Variants in C10orf67 observed in about 807,000 individuals in gnomAD.
C10orf67 encodes uncharacterized protein C10orf67, mitochondrial.
C10orf67 carries 60 observed loss-of-function variants against 35.6 expected under a neutral mutation model. The ratio of observed to expected loss-of-function variants is 1.68; its 90% confidence interval spans 1.37 to 2.09. The LOEUF is 2.09. Ranked by LOEUF, C10orf67 falls within the 30% of genes most tolerant of loss-of-function variation. The pLI is 0.00. For synonymous variants in C10orf67, 167 were observed against 115.8 expected (o/e 1.44, Z -2.84); for missense variants, 474 against 330.2 (o/e 1.44, Z -3.38).
At position 23,244,861 on chromosome 10, in the gene C10orf67, A is replaced by G. The variant is rs564511356; in HGVS notation, c.1347-5045T>C. On this transcript the variant is annotated intron_variant, in intron 12 of 15. Coordinates refer to ENST00000636213, the MANE Select transcript of C10orf67 (RefSeq NM_001371909.1). ...GTAGGAAAAATAATCCTAAAATTTTATGGAAACATAGAAGACCCCAAATGG... is the reference window on the plus strand; with the variant it reads ...GTAGGAAAAATAATCCTAAAATTTTGTGGAAACATAGAAGACCCCAAATGG... Among the ~76,000 whole-genome samples, 4 of 152,344 alleles carry G rather than the reference A, an allele frequency of 2.6e-5. No homozygotes were observed. In the East Asian group the frequency reaches 7.7e-4, roughly 29 times the overall value.
chr10:23,246,968 G>T (rs184324016), intron 12 of C10orf67, among the ~76,000 whole-genome samples: 1 of 152,014 alleles, frequency 6.6e-6, no homozygotes, highest in East Asian at 1.9e-4. Flanking sequence ...TGGGACTACA[G>T]GTGTGCACCA....
chr10:23,339,367 G>A (rs1012659526), intron 1 of C10orf67, among the ~76,000 whole-genome samples: 32 of 139,122 alleles, frequency 2.3e-4, no homozygotes, highest in Admixed American at 1.9e-3. Flanking sequence ...TAGTGTTTCC[G>A]TGCCCAGTAA....
At chr10:23,265,220 G>T (rs576092100) in intron 10 of C10orf67, among the ~76,000 whole-genome samples, 4 of 152,350 alleles carry the variant, frequency 2.6e-5, no homozygotes, top group African/African-American at 9.6e-5. Context: ...TGCTCTACTT[G>T]CTCCCTCCCG....
chr10:23,314,483 A>AACACACACACACACACAC (rs56043614), intron 4 of C10orf67, among the ~76,000 whole-genome samples: 1 of 135,740 alleles, frequency 7.4e-6, no homozygotes, highest in African/African-American at 2.8e-5. Flanking sequence ...ATTAAGTTAA[A>AACACACACACACACACAC]ACACACACAC....
chr10:23,229,578 A>G (rs769632759), intron 13 of C10orf67, among the ~76,000 whole-genome samples: 1 of 152,116 alleles, frequency 6.6e-6, no homozygotes. Context: ...AACTTAAAGT[A>G]TAATAATAAT....
At chr10:23,343,097 G>C (rs540822586) in intron 1 of C10orf67, among the ~76,000 whole-genome samples, 8 of 152,338 alleles carry the variant, frequency 5.3e-5, no homozygotes, top group South Asian at 4.1e-4. Flanking sequence ...TGAAAGGGAC[G>C]GGTTTTAAAC....
intron 8 of C10orf67, among the ~76,000 whole-genome samples, chr10:23,270,499 T>C (rs1451401171): frequency 6.6e-6 from 1 of 152,188 alleles, no homozygotes; most frequent in Non-Finnish European, 1.5e-5. Flanking sequence ...CATACTCTGG[T>C]CCTGGGAATC....
At chr10:23,206,822 G>T (rs1273137226) in intron 15 of C10orf67, among the ~76,000 whole-genome samples, 1 of 152,128 alleles carries the variant, frequency 6.6e-6, no homozygotes, top group African/African-American at 2.4e-5. Flanking sequence ...GTTACATGAA[G>T]TGTGAGTTTA....
At chr10:23,300,559 G>A (rs1652574148) in intron 5 of C10orf67, among the ~76,000 whole-genome samples, 1 of 152,112 alleles carries the variant, frequency 6.6e-6, no homozygotes, top group Non-Finnish European at 1.5e-5. Flanking sequence ...AAGATCAGTT[G>A]GACTTCAACA....
intron 7 of C10orf67, among the ~76,000 whole-genome samples, chr10:23,289,243 AG>A (rs1437230338): frequency 6.6e-6 from 1 of 152,184 alleles, no homozygotes; most frequent in Non-Finnish European, 1.5e-5. Context: ...AGTTCACTGC[AG>A]CCCCGAACTT....
intron 8 of C10orf67, among the ~76,000 whole-genome samples, chr10:23,273,721 A>G (rs117192132): frequency 0.013 from 2,052 of 152,344 alleles, 28 homozygotes; most frequent in Middle Eastern, 0.092. Context: ...GCATAGAGCA[A>G]TAGCTGGTCC....
At chr10:23,251,941 T>C (rs191119986) in intron 10 of C10orf67, among the ~76,000 whole-genome samples, 161 of 152,338 alleles carry the variant, frequency 1.1e-3, no homozygotes, top group Admixed American at 1.4e-3. Context: ...CTGTCTTATA[T>C]AATTTAGATA....
At position 23,229,041 on chromosome 10, in the gene C10orf67, C is replaced by T. The variant is rs184431236; in HGVS notation, c.1435-5223G>A. Among the ~76,000 whole-genome samples the T allele has an allele frequency of 5.7e-3, 864 of 152,184 alleles. 3 individuals carry two copies. The highest frequency in any genetic ancestry group is 8.4e-3 in the Non-Finnish European group (569 of 68,012). ...GACAGTGTGGCGATTCCTCAAGGAT[C>T]TAGAACTAGAAATACCATTTGACCC... On this transcript the variant is annotated intron_variant, in intron 13 of 15. Coordinates refer to ENST00000636213, the MANE Select transcript of C10orf67 (RefSeq NM_001371909.1).
chr10:23,229,756 A>G (rs777697807), intron 13 of C10orf67, among the ~76,000 whole-genome samples: 8 of 152,170 alleles, frequency 5.3e-5, no homozygotes, highest in Non-Finnish European at 1.0e-4. Context: ...GCATAAAAAT[A>G]CAAGGTACCT....
At chr10:23,232,746 C>T (rs1841944991) in intron 13 of C10orf67, among the ~76,000 whole-genome samples, 1 of 152,116 alleles carries the variant, frequency 6.6e-6, no homozygotes, top group African/African-American at 2.4e-5. Flanking sequence ...AAGAGGATAA[C>T]ATGACTTGAA....
At chr10:23,256,695 T>G (rs1246660304) in intron 10 of C10orf67, among the ~76,000 whole-genome samples, 1 of 152,018 alleles carries the variant, frequency 6.6e-6, no homozygotes, top group Non-Finnish European at 1.5e-5. Flanking sequence ...TTTTTTTTTT[T>G]CCTGTCCCTT....
At chr10:23,249,201 G>A (rs1310458276) in intron 12 of C10orf67, among the ~76,000 whole-genome samples, 1 of 149,974 alleles carries the variant, frequency 6.7e-6, no homozygotes, top group African/African-American at 2.5e-5. Context: ...TGAAGAATAG[G>A]GTAAATCCCG....
chr10:23,214,460 T>C (rs1413199150), intron 15 of C10orf67, among the ~76,000 whole-genome samples: 1 of 152,178 alleles, frequency 6.6e-6, no homozygotes, highest in Non-Finnish European at 1.5e-5. Flanking sequence ...GTTAAAGTGC[T>C]GTCAAAATTT....
chr10:23,325,711 G>C (rs180949719), intron 2 of C10orf67, among the ~76,000 whole-genome samples: 6 of 149,228 alleles, frequency 4.0e-5, no homozygotes, highest in Admixed American at 3.3e-4. Flanking sequence ...ATGTGATTCA[G>C]TCTCAAGACA....
Sources: gnomAD v4.1 joint callset for allele counts (sites outside exome capture counted in the v4.1 genomes callset) on GRCh38, gnomAD v4.1.1 for gene constraint, MANE v1.5 for transcripts, NCBI Gene and HGNC (gene_info 2026-07-23, HGNC 2026-07-21) for gene names.